The following RCAN2 variants were observed in gnomAD, a reference collection of about 807,000 sequenced individuals.
RCAN2 encodes the protein calcipressin-2.
A neutral mutation model predicts 23.6 loss-of-function variants in RCAN2; 9 were observed. The observed-to-expected ratio is 0.38, with a 90% CI of 0.23 to 0.67. The LOEUF (loss-of-function observed/expected upper bound fraction) is 0.67, where lower values mean the gene tolerates loss of function less well. Ranked by LOEUF, RCAN2 falls within the 30% of genes least tolerant of loss-of-function variation. RCAN2 has a pLI of 0.51. For synonymous variants in RCAN2, 109 were observed against 115.7 expected (o/e 0.94, Z 0.37); for missense variants, 273 against 302.3 (o/e 0.90, Z 0.72).
At chr6:46,250,595 G>C (rs1766675731) in intron 2 of RCAN2, among the ~76,000 whole-genome samples, 1 of 152,160 alleles carries the variant, frequency 6.6e-6, no homozygotes, top group Non-Finnish European at 1.5e-5. Flanking sequence ...GAAAAGATAA[G>C]GACTTACCCA....
chr6:46,418,389 G>A (rs965208609), intron 2 of RCAN2, among the ~76,000 whole-genome samples: 4 of 151,818 alleles, frequency 2.6e-5, no homozygotes, highest in East Asian at 1.9e-4. Flanking sequence ...CCACTTTTTC[G>A]CCATCCAGAA....
intron 2 of RCAN2, among the ~76,000 whole-genome samples, chr6:46,306,051 T>C (rs1582087166): frequency 6.6e-6 from 1 of 151,974 alleles, no homozygotes; most frequent in East Asian, 1.9e-4. Context: ...GTAATGAAAG[T>C]ATGCTGTGGC....
intron 2 of RCAN2, among the ~76,000 whole-genome samples, chr6:46,397,965 A>C (rs868159740): frequency 2.0e-5 from 3 of 152,356 alleles, no homozygotes; most frequent in Middle Eastern, 3.4e-3. Context: ...AGGCACACTC[A>C]GCATAGTTTC....
chr6:46,331,330 T>C (rs563002760), intron 2 of RCAN2, among the ~76,000 whole-genome samples: 1 of 152,266 alleles, frequency 6.6e-6, no homozygotes, highest in Admixed American at 6.5e-5. Flanking sequence ...CATGATTTAC[T>C]TCCCTATTAT....
chr6:46,274,298 A>G (rs1767617432), intron 2 of RCAN2, among the ~76,000 whole-genome samples: 1 of 152,210 alleles, frequency 6.6e-6, no homozygotes, highest in African/African-American at 2.4e-5. Context: ...AGGTAGCTAT[A>G]TATAGGTCAT....
intron 2 of RCAN2, among the ~76,000 whole-genome samples, chr6:46,372,970 A>G (rs191634266): frequency 6.6e-6 from 1 of 152,338 alleles, no homozygotes; most frequent in East Asian, 1.9e-4. Context: ...CCTTGTCTCA[A>G]ATGACATTCG....
intron 4 of RCAN2, among the ~76,000 whole-genome samples, chr6:46,243,778 C>G (rs1766399352): frequency 7.8e-6 from 1 of 127,862 alleles, no homozygotes; most frequent in Non-Finnish European, 1.6e-5. Context: ...CCACTGCACT[C>G]CAGCCTGGGT....
Position 46,282,436 on chromosome 6 carries a change from C to A in RCAN2, c.226-33540G>T, listed in dbSNP as rs573864756. On this transcript the variant is annotated intron_variant, in intron 2 of 4. Transcript: ENST00000371374. The stretch of plus-strand genomic sequence containing the variant: ...GTGGTGGCTGGTGCCAAGATCGTGC[C>A]ACTGCACTCCAGCCTGGGTGACAGA... 2.5e-3 allele frequency among the ~76,000 whole-genome samples: 372 copies of A among 151,310 alleles called. 1 individual carries two copies. The highest frequency in any genetic ancestry group is 8.3e-3 in the African/African-American group (342 of 41,282).
intron 1 of RCAN2, among the ~76,000 whole-genome samples, chr6:46,463,674 A>C (rs952488004): frequency 6.6e-6 from 1 of 152,228 alleles, no homozygotes; most frequent in African/African-American, 2.4e-5. Context: ...ACTTTTAACA[A>C]AAGCTTTCTC....
intron 1 of RCAN2, among the ~76,000 whole-genome samples, chr6:46,484,960 T>C (rs1768958524): frequency 6.6e-6 from 1 of 152,224 alleles, no homozygotes; most frequent in Admixed American, 6.5e-5. Flanking sequence ...GACATCTGTA[T>C]TCTCCTGCAT....
At chr6:46,330,270 C>A (rs1182644361) in intron 2 of RCAN2, among the ~76,000 whole-genome samples, 1 of 152,080 alleles carries the variant, frequency 6.6e-6, no homozygotes, top group Admixed American at 6.6e-5. Context: ...CGGGCCCCAC[C>A]CAAGACTGAA....
intron 1 of RCAN2, among the ~76,000 whole-genome samples, chr6:46,478,430 C>T (rs1016301030): frequency 1.4e-5 from 2 of 145,212 alleles, no homozygotes; most frequent in Admixed American, 1.4e-4. Flanking sequence ...AAGAAAAGTA[C>T]ATTATGCACA....
intron 4 of RCAN2, among the ~76,000 whole-genome samples, chr6:46,245,150 T>C (rs543952886): frequency 6.6e-6 from 1 of 152,362 alleles, no homozygotes; most frequent in Admixed American, 6.5e-5. Context: ...TATTATTATA[T>C]TGCTTCTTTC....
intron 2 of RCAN2, among the ~76,000 whole-genome samples, chr6:46,369,019 TTTTC>T (rs1218175688): frequency 2.0e-5 from 3 of 152,212 alleles, no homozygotes; most frequent in African/African-American, 7.2e-5. Context: ...TACAAAAGTA[TTTTC>T]TTTCTTTATA....
chr6:46,357,164 A>G (rs78994400), intron 2 of RCAN2, among the ~76,000 whole-genome samples: 2,205 of 152,292 alleles, frequency 0.014, 57 homozygotes, highest in African/African-American at 0.049. Flanking sequence ...GATGGGGTAG[A>G]AAAATTTGTC....
chr6:46,276,947 G>A (rs1313396406), intron 2 of RCAN2, among the ~76,000 whole-genome samples: 1 of 152,220 alleles, frequency 6.6e-6, no homozygotes, highest in Non-Finnish European at 1.5e-5. Context: ...CTGAAACTAG[G>A]TGTGAGTTTT....
At position 46,395,734 on chromosome 6, in the gene RCAN2, C is replaced by G. The variant is rs541165817; in HGVS notation, c.225+61018G>C. ...TTCTCTACTCCACAGGTTGTAAGGT[C>G]ATTTTCGCAATCTAGGAGGAAACAT... On this transcript the variant is annotated intron_variant, in intron 2 of 4. Transcript: ENST00000371374. Among the ~76,000 whole-genome samples the G allele has an allele frequency of 5.7e-4, 86 of 152,186 alleles. 1 individual carries two copies. Among genetic ancestry groups the G allele is most frequent in the Non-Finnish European group, 1.1e-3 (78 of 68,038 alleles).
At chr6:46,479,221 G>T (rs1480895871) in intron 1 of RCAN2, among the ~76,000 whole-genome samples, 2 of 152,202 alleles carry the variant, frequency 1.3e-5, no homozygotes, top group Admixed American at 6.5e-5. Flanking sequence ...CAGTATGCTA[G>T]ATTTTGAAAA....
At chr6:46,410,820 T>G (rs545773213) in intron 2 of RCAN2, among the ~76,000 whole-genome samples, 1 of 152,348 alleles carries the variant, frequency 6.6e-6, no homozygotes, top group South Asian at 2.1e-4. Flanking sequence ...ACAAGGATGA[T>G]ATTATATTAA....
Sources: gnomAD v4.1 joint callset for allele counts (sites outside exome capture counted in the v4.1 genomes callset) on GRCh38, gnomAD v4.1.1 for gene constraint, MANE v1.5 for transcripts, NCBI Gene and HGNC (gene_info 2026-07-23, HGNC 2026-07-21) for gene names.